RALGPS1: variants seen among roughly 807,000 people sequenced by gnomAD.
RALGPS1 encodes the protein Ral GEF with PH domain and SH3 binding motif 1, also known as ras-specific guanine nucleotide-releasing factor RalGPS1.
A neutral mutation model predicts 78.8 loss-of-function variants in RALGPS1; 19 were observed. That is an observed-to-expected ratio of 0.24 (90% CI 0.17 to 0.35). The LOEUF (loss-of-function observed/expected upper bound fraction) is 0.35. RALGPS1 is among the 10% of genes least tolerant of loss of function. The pLI is 1.00. For missense variants in RALGPS1, 454 were observed against 688.3 expected, an observed-to-expected ratio of 0.66 and a Z score of 3.81; for synonymous variants, 228 against 256.3, an observed-to-expected ratio of 0.89 and a Z score of 1.06.
intron 8 of RALGPS1, among the ~76,000 whole-genome samples, chr9:127,114,844 G>A (rs982460539): frequency 6.6e-6 from 1 of 152,228 alleles, no homozygotes; most frequent in African/African-American, 2.4e-5. Context: ...TGAGTCTGGT[G>A]GACCTGAGCA....
intron 8 of RALGPS1, among the ~76,000 whole-genome samples, chr9:127,126,644 G>A (rs575581425): frequency 2.6e-5 from 4 of 152,134 alleles, no homozygotes; most frequent in East Asian, 1.9e-4. Context: ...TGTTAATTTC[G>A]TCTAAAGTAT....
At chr9:127,011,554 T>C (rs1465883749) in intron 4 of RALGPS1, among the ~76,000 whole-genome samples, 1 of 152,182 alleles carries the variant, frequency 6.6e-6, no homozygotes, top group African/African-American at 2.4e-5. Context: ...AAATTATATG[T>C]CTAACTAGAA....
At chr9:126,957,467 A>G (rs2038453940) in intron 1 of RALGPS1, among the ~76,000 whole-genome samples, 2 of 152,134 alleles carry the variant, frequency 1.3e-5, no homozygotes, top group African/African-American at 4.8e-5. Context: ...GGCTGGATCC[A>G]CTCAAAGAGG....
At chr9:127,201,664 T>C (rs2061638650) in intron 14 of RALGPS1, among the ~76,000 whole-genome samples, 1 of 152,146 alleles carries the variant, frequency 6.6e-6, no homozygotes, top group Admixed American at 6.5e-5. Flanking sequence ...CTGGGTCTTC[T>C]CTATTCCTGA....
chr9:127,074,835 T>G (rs770845142), intron 8 of RALGPS1, among the ~76,000 whole-genome samples: 2 of 152,238 alleles, frequency 1.3e-5, no homozygotes, highest in Non-Finnish European at 2.9e-5. Flanking sequence ...CCTCTCCTGA[T>G]TCCCCACCCT....
intron 5 of RALGPS1, among the ~76,000 whole-genome samples, chr9:127,043,349 C>T (rs191221053): frequency 2.0e-5 from 3 of 149,754 alleles, no homozygotes; most frequent in Admixed American, 6.7e-5. Flanking sequence ...GGGCATTCAG[C>T]GGAGAAAGGA....
intron 3 of RALGPS1, among the ~76,000 whole-genome samples, chr9:126,975,079 C>T (rs1371182267): frequency 6.6e-6 from 1 of 152,084 alleles, no homozygotes; most frequent in Non-Finnish European, 1.5e-5. Context: ...GGCATGAAAT[C>T]GATAATCTGA....
At chr9:126,917,770 C>G (rs947847902) in intron 1 of RALGPS1, among the ~76,000 whole-genome samples, 1 of 152,194 alleles carries the variant, frequency 6.6e-6, no homozygotes, top group Admixed American at 6.5e-5. Flanking sequence ...GAGAGCAGGA[C>G]AGGGAATTCT....
At chr9:126,966,666 A>G (rs916282797) in intron 3 of RALGPS1, among the ~76,000 whole-genome samples, 22 of 152,104 alleles carry the variant, frequency 1.4e-4, no homozygotes, top group African/African-American at 5.1e-4. Context: ...ATTTGGTTAT[A>G]GATTCCAGGT....
chr9:127,218,728 T>C lies in RALGPS1; in HGVS notation c.1645-12T>C. 1 of 1,613,734 alleles carries C rather than the reference T, an allele frequency of 6.2e-7. No individual in the cohort carries two copies. Among genetic ancestry groups the C allele is most frequent in the South Asian group, 1.1e-5 (1 of 91,080 alleles). On this transcript the variant is annotated splice_polypyrimidine_tract_variant and intron_variant, in intron 18 of 18. Coordinates refer to ENST00000259351, the MANE Select transcript of RALGPS1 (RefSeq NM_014636.3). The surrounding 1 kb of genome is among the most constrained non-coding windows in gnomAD (Gnocchi z 4.4). ...TCGGAACTTTAACAAGAGGCTGAGC[T>C]TTCTCTTCTAGGTACCTGCAAACCT...
intron 8 of RALGPS1, among the ~76,000 whole-genome samples, chr9:127,162,234 G>A (rs1415400009): frequency 1.3e-5 from 2 of 152,220 alleles, no homozygotes; most frequent in African/African-American, 2.4e-5. Context: ...CCCTTGAGGC[G>A]TTAGGCCTGA....
intron 7 of RALGPS1, among the ~76,000 whole-genome samples, chr9:127,056,154 A>G (rs1237641439): frequency 6.6e-6 from 1 of 152,208 alleles, no homozygotes; most frequent in Non-Finnish European, 1.5e-5. Context: ...GGGAAGAGGA[A>G]GATGCCAGGG....
At chr9:126,925,189 T>C (rs1413158953) in intron 1 of RALGPS1, among the ~76,000 whole-genome samples, 1 of 152,058 alleles carries the variant, frequency 6.6e-6, no homozygotes, top group East Asian at 1.9e-4. Context: ...TGGTCCTTGC[T>C]GTCCTTTAGC....
chr9:127,086,603 T>G (rs1232227132), intron 8 of RALGPS1, among the ~76,000 whole-genome samples: 1 of 152,246 alleles, frequency 6.6e-6, no homozygotes, highest in Non-Finnish European at 1.5e-5. Context: ...ATATTCTGTA[T>G]TTGCTATATA....
rs189750218 is a variant in RALGPS1 at position 127,191,261 on chromosome 9, T to C, written c.911-3830T>C. ...TTAAATGTTGTCAAATTTATTCATC[T>C]CTTCCTTTAGGATTTGTGTTTTTTC... On this transcript the variant is annotated intron_variant, in intron 11 of 18. Coordinates refer to ENST00000259351, the MANE Select transcript of RALGPS1 (RefSeq NM_014636.3). 3.3e-5 allele frequency among the ~76,000 whole-genome samples: 5 copies of C among 152,350 alleles called. No homozygotes were observed. In the East Asian group the frequency reaches 9.6e-4, roughly 29 times the overall value.
rs1302736582 is a variant in RALGPS1 at position 126,914,994 on chromosome 9, G to T, written c.-66+19G>T. ...CGTCAAGGTGACCGGCCGGGACTGCGGCGGCGGGGAGAGCGGCGGTGAGAG... is the reference window on the plus strand; with the variant it reads ...CGTCAAGGTGACCGGCCGGGACTGCTGCGGCGGGGAGAGCGGCGGTGAGAG... On this transcript the variant is annotated intron_variant, in intron 1 of 18. Coordinates refer to ENST00000259351, the MANE Select transcript of RALGPS1 (RefSeq NM_014636.3). 1.3e-5 allele frequency: 2 copies of T among 151,254 alleles called. No individual in the cohort carries two copies. The highest frequency in any genetic ancestry group is 1.3e-4 in the Admixed American group (2 of 15,128). The allele number at this position is 151,254 out of a possible 1,614,324, so 9.4% of individuals were successfully genotyped here. A position where few individuals can be genotyped will look rare whatever the true frequency, so the allele number is the denominator to read the frequency against.
chr9:127,057,075 G>C (rs529093211), intron 7 of RALGPS1, among the ~76,000 whole-genome samples: 1 of 152,308 alleles, frequency 6.6e-6, no homozygotes, highest in South Asian at 2.1e-4. Flanking sequence ...TCAAGATCCA[G>C]AGCTGGTGAG....
At chr9:127,061,422 A>G (rs2135632690) in intron 7 of RALGPS1, among the ~76,000 whole-genome samples, 1 of 152,356 alleles carries the variant, frequency 6.6e-6, no homozygotes, top group Non-Finnish European at 1.5e-5. Context: ...AAGTATCTGG[A>G]AAAGTAGAAT....
intron 4 of RALGPS1, among the ~76,000 whole-genome samples, chr9:127,032,504 GGGTTT>G (rs1445217776): frequency 3.3e-5 from 5 of 152,216 alleles, no homozygotes; most frequent in Admixed American, 2.0e-4. Context: ...TTTATGAGTT[GGGTTT>G]TATATTTGGT....
Sources: allele counts gnomAD v4.1 joint callset (sites outside exome capture counted in the v4.1 genomes callset), GRCh38; gene constraint gnomAD v4.1.1; non-coding constraint Gnocchi (gnomAD v3.1); transcripts MANE v1.5; gene names NCBI Gene and HGNC (gene_info 2026-07-23, HGNC 2026-07-21).